The following ROBO1 variants were observed in gnomAD, a reference collection of about 807,000 sequenced individuals.
The protein encoded by ROBO1 is roundabout guidance receptor 1, also known as roundabout homolog 1.
In ROBO1, 149 loss-of-function variants were observed where a neutral mutation model predicts 195.9. The ratio of observed to expected loss-of-function variants is 0.76; its 90% CI spans 0.67 to 0.87. The LOEUF (loss-of-function observed/expected upper bound fraction) is 0.87, where lower values mean the gene tolerates loss of function less well. Ranked by LOEUF, ROBO1 falls within the 40% of genes least tolerant of loss-of-function variation. The pLI, the probability that ROBO1 is intolerant of heterozygous loss-of-function variation, is 0.00. For missense variants in ROBO1, 1,933 were observed against 2,068.3 expected, an observed-to-expected ratio of 0.93 and a Z score of 1.27; for synonymous variants, 816 against 733.2, an observed-to-expected ratio of 1.11 and a Z score of -1.82.
intron 2 of ROBO1, among the ~76,000 whole-genome samples, chr3:79,146,590 T>C (rs1430400610): frequency 2.6e-5 from 4 of 151,962 alleles, no homozygotes; most frequent in African/African-American, 7.2e-5. Flanking sequence ...CCTGGACTTA[T>C]GTGAAGTATG....
At chr3:79,093,659 C>A (rs2079517526) in intron 3 of ROBO1, among the ~76,000 whole-genome samples, 1 of 151,976 alleles carries the variant, frequency 6.6e-6, no homozygotes, top group South Asian at 2.1e-4. Context: ...ATGTTCTAGG[C>A]AGTTGTTTTT....
intron 4 of ROBO1, among the ~76,000 whole-genome samples, chr3:78,856,526 C>T (rs1012812707): frequency 1.3e-5 from 2 of 151,832 alleles, no homozygotes; most frequent in Non-Finnish European, 2.9e-5. Context: ...GCAATTAATT[C>T]TCTCAACATT....
intron 2 of ROBO1, among the ~76,000 whole-genome samples, chr3:79,570,301 C>T (rs376903867): frequency 7.2e-6 from 1 of 138,934 alleles, no homozygotes; most frequent in South Asian, 2.3e-4. Flanking sequence ...AAAAAAAAAA[C>T]TGTTTTCTAA....
intron 2 of ROBO1, among the ~76,000 whole-genome samples, chr3:79,427,633 T>G (rs2038501126): frequency 6.6e-6 from 1 of 152,058 alleles, no homozygotes; most frequent in Non-Finnish European, 1.5e-5. Flanking sequence ...CTGAAATAAC[T>G]CCATACATCT....
At chr3:79,361,464 C>A (rs1402142907) in intron 2 of ROBO1, among the ~76,000 whole-genome samples, 1 of 151,914 alleles carries the variant, frequency 6.6e-6, no homozygotes, top group East Asian at 1.9e-4. Context: ...GCCCATTAAA[C>A]AACTTAATAT....
chr3:79,730,962 A>G (rs1427254515), intron 1 of ROBO1, among the ~76,000 whole-genome samples: 14 of 151,732 alleles, frequency 9.2e-5, no homozygotes, highest in Non-Finnish European at 2.9e-5. Context: ...TATTTTTAGT[A>G]GAGACGGGGT....
intron 3 of ROBO1, among the ~76,000 whole-genome samples, chr3:78,942,081 AC>A (rs1371856764): frequency 6.6e-6 from 1 of 152,106 alleles, no homozygotes; most frequent in Admixed American, 6.6e-5. Flanking sequence ...CAGGAGGATC[AC>A]TTGAGCCTAG....
At position 79,393,922 on chromosome 3, in the gene ROBO1, G is replaced by A. The variant is rs565510537; in HGVS notation, c.88+195902C>T. Among the ~76,000 whole-genome samples the A allele has an allele frequency of 1.2e-4, 19 of 152,132 alleles. No individual in the cohort carries two copies. In the South Asian group the frequency reaches 3.9e-3, roughly 32 times the overall value. On this transcript the variant is annotated intron_variant, in intron 2 of 30. Transcript: ENST00000464233. The stretch of plus-strand genomic sequence containing the variant: ...GGCCAGGCTTATGATAGAAACTTAA[G>A]TGAATAGAAAAAAAGAATCCTGCAG...
intron 4 of ROBO1, among the ~76,000 whole-genome samples, chr3:78,831,888 G>A (rs9863633): frequency 0.03 from 4,509 of 152,216 alleles, 209 homozygotes; most frequent in African/African-American, 0.1. Context: ...CACAAGAACA[G>A]CACAGGAAAG....
chr3:78,803,009 T>C (rs1014912201), intron 4 of ROBO1, among the ~76,000 whole-genome samples: 17 of 152,132 alleles, frequency 1.1e-4, no homozygotes, highest in Admixed American at 1.1e-3. Context: ...GAAGTATTTA[T>C]ATTGTAACTT....
At chr3:78,945,788 G>A (rs1464859050) in intron 3 of ROBO1, among the ~76,000 whole-genome samples, 1 of 152,042 alleles carries the variant, frequency 6.6e-6, no homozygotes, top group African/African-American at 2.4e-5. Context: ...TTAGATGAAT[G>A]GATAACTAGA....
intron 2 of ROBO1, among the ~76,000 whole-genome samples, chr3:79,225,545 C>T (rs1454503568): frequency 2.6e-5 from 4 of 152,108 alleles, no homozygotes; most frequent in Non-Finnish European, 4.4e-5. Flanking sequence ...CTTGTCTTAA[C>T]TGAAATTTGG....
rs1942458673 is a variant in ROBO1 at position 79,550,235 on chromosome 3, AG to A, written c.88+39588del. On this transcript the variant is annotated intron_variant, in intron 2 of 30. Coordinates refer to ENST00000464233, the MANE Select transcript of ROBO1 (RefSeq NM_002941.4). ...AGAAAAGAAAAGAAAAGAAAAGAAA[AG>A]AAAAGAAAAGGGGATCTTAAAGTTA... Among the ~76,000 whole-genome samples the A allele has an allele frequency of 1.3e-5, 2 of 149,948 alleles. 1 individual carries two copies. Among genetic ancestry groups the A allele is most frequent in the Non-Finnish European group, 3.0e-5 (2 of 67,150 alleles).
chr3:79,245,183 A>G (rs990898566), intron 2 of ROBO1, among the ~76,000 whole-genome samples: 5 of 152,104 alleles, frequency 3.3e-5, no homozygotes, highest in Admixed American at 2.0e-4. Context: ...CTTCAGTAAG[A>G]AACGTTGGTT....
chr3:79,489,949 T>G (rs1328927042), intron 2 of ROBO1, among the ~76,000 whole-genome samples: 1 of 152,214 alleles, frequency 6.6e-6, no homozygotes, highest in Non-Finnish European at 1.5e-5. Context: ...AATGAAGAAT[T>G]TGGCATCTCT....
chr3:79,699,596 G>T (rs976584686), intron 1 of ROBO1, among the ~76,000 whole-genome samples: 2 of 151,572 alleles, frequency 1.3e-5, no homozygotes, highest in African/African-American at 4.8e-5. Context: ...TGAGTCCATA[G>T]GTGAGGATTC....
At chr3:78,944,620 C>G (rs1314938081) in intron 3 of ROBO1, among the ~76,000 whole-genome samples, 1 of 152,242 alleles carries the variant, frequency 6.6e-6, no homozygotes, top group Non-Finnish European at 1.5e-5. Flanking sequence ...GCATTTCCAA[C>G]TGAGGTACCG....
At chr3:79,253,327 G>A (rs1240889426) in intron 2 of ROBO1, among the ~76,000 whole-genome samples, 1 of 152,126 alleles carries the variant, frequency 6.6e-6, no homozygotes, top group Non-Finnish European at 1.5e-5. Flanking sequence ...TGGGTATTAA[G>A]AGAGACTCTG....
In ROBO1 at chr3:78,617,630, C is replaced by G; in HGVS notation, c.4282+5G>C. On this transcript the variant is annotated splice_donor_5th_base_variant and intron_variant, in intron 27 of 30. Coordinates refer to ENST00000464233, the MANE Select transcript of ROBO1 (RefSeq NM_002941.4). Reference sequence around the variant, plus strand: ...CCCAGCTTGGTGAAAAGTGTTAGGACTCACCAGCAGCATCCTGCATTTGCC... The same window carrying G: ...CCCAGCTTGGTGAAAAGTGTTAGGAGTCACCAGCAGCATCCTGCATTTGCC... 2 of 1,601,490 alleles carry G rather than the reference C, an allele frequency of 1.2e-6. No homozygotes were observed. The highest frequency in any genetic ancestry group is 1.7e-6 in the Non-Finnish European group (2 of 1,173,600).
Sources: gnomAD v4.1 joint callset for allele counts (sites outside exome capture counted in the v4.1 genomes callset) on GRCh38, gnomAD v4.1.1 for gene constraint, MANE v1.5 for transcripts, NCBI Gene and HGNC (gene_info 2026-07-23, HGNC 2026-07-21) for gene names.